The following EFCAB11 variants were observed in gnomAD, a reference collection of about 807,000 sequenced individuals.
The protein encoded by EFCAB11 is EF-hand calcium-binding domain-containing protein 11.
EFCAB11 carries 14 observed loss-of-function variants against 23.0 expected under a neutral mutation model. The ratio of observed to expected loss-of-function variants is 0.61; its 90% confidence interval spans 0.40 to 0.95. The LOEUF (loss-of-function observed/expected upper bound fraction) is 0.95, where lower values mean the gene tolerates loss of function less well. Ranked by LOEUF, EFCAB11 falls within the 40% of genes least tolerant of loss-of-function variation. EFCAB11 has a pLI of 0.00. For synonymous variants in EFCAB11, 65 were observed against 66.6 expected, an observed-to-expected ratio of 0.98 and a Z score of 0.11; for missense variants, 198 against 195.8, an observed-to-expected ratio of 1.01 and a Z score of -0.07.
chr14:89,821,096 G>A (rs993893595), intron 5 of EFCAB11, among the ~76,000 whole-genome samples: 16 of 151,950 alleles, frequency 1.1e-4, no homozygotes, highest in Admixed American at 1.0e-3. Context: ...TCCTGGGCTT[G>A]AGCAATCCTC....
intron 5 of EFCAB11, among the ~76,000 whole-genome samples, chr14:89,847,841 A>G (rs1027015208): frequency 6.6e-6 from 1 of 152,078 alleles, no homozygotes; most frequent in Non-Finnish European, 1.5e-5. Context: ...TGCATTTACC[A>G]GCTGTCTGGC....
intron 5 of EFCAB11, among the ~76,000 whole-genome samples, chr14:89,842,632 G>GAT (rs869060687): frequency 9.5e-5 from 2 of 21,090 alleles, no homozygotes; most frequent in African/African-American, 2.3e-4. Context: ...GATATGATAT[G>GAT]ATATGATATA....
chr14:89,828,247 G>C (rs1194547784), intron 5 of EFCAB11, among the ~76,000 whole-genome samples: 1 of 152,080 alleles, frequency 6.6e-6, no homozygotes, highest in East Asian at 1.9e-4. Flanking sequence ...AAAAACCTAT[G>C]AAAATGTAAG....
chr14:89,797,577 A>G (rs74082104), intron 5 of EFCAB11, among the ~76,000 whole-genome samples: 2,571 of 152,312 alleles, frequency 0.017, 66 homozygotes, highest in African/African-American at 0.058. Context: ...CACAGATTAT[A>G]TAAGAAAAAA....
rs867019828 is a variant in EFCAB11 at position 89,826,555 on chromosome 14, A to G, written c.411-29231T>C. Among the ~76,000 whole-genome samples, 3 of 152,092 alleles carry G rather than the reference A, an allele frequency of 2.0e-5. No individual in the cohort carries two copies. The South Asian group carries it at 6.2e-4, about 32-fold the overall frequency. ...GGTCACCCTCTAAGAAATGGACTGTAAGAAAGGGAGAGCAGGAAGCTGTCG... is the reference window on the plus strand; with the variant it reads ...GGTCACCCTCTAAGAAATGGACTGTGAGAAAGGGAGAGCAGGAAGCTGTCG... On this transcript the variant is annotated intron_variant, in intron 5 of 5. Transcript: ENST00000316738.
chr14:89,857,935 A>T (rs1457708451), intron 5 of EFCAB11, among the ~76,000 whole-genome samples: 1 of 152,262 alleles, frequency 6.6e-6, no homozygotes, highest in Non-Finnish European at 1.5e-5. Flanking sequence ...TCTGATATCC[A>T]GCTTCTACTC....
At chr14:89,806,382 T>C (rs1030691635) in intron 5 of EFCAB11, among the ~76,000 whole-genome samples, 1 of 152,158 alleles carries the variant, frequency 6.6e-6, no homozygotes, top group Non-Finnish European at 1.5e-5. Context: ...TAATTTGATA[T>C]TCCTTCTCTA....
intron 5 of EFCAB11, among the ~76,000 whole-genome samples, chr14:89,871,492 G>C (rs981411052): frequency 2.0e-5 from 3 of 152,034 alleles, no homozygotes; most frequent in African/African-American, 7.3e-5. Context: ...CAACCAACCC[G>C]GGCACTTTCT....
intron 5 of EFCAB11, among the ~76,000 whole-genome samples, chr14:89,901,385 T>G (rs1027425628): frequency 1.3e-5 from 2 of 152,220 alleles, no homozygotes; most frequent in Non-Finnish European, 2.9e-5. Context: ...TGCTCACTAA[T>G]TGAAATAATA....
At chr14:89,954,733 C>A (rs1891398413), upstream of EFCAB11, 2 of 1,551,828 alleles carry the variant, frequency 1.3e-6, no homozygotes, top group South Asian at 1.2e-5. Context: ...GGCAGCCTAC[C>A]GCGGCCACGC....
intron 5 of EFCAB11, among the ~76,000 whole-genome samples, chr14:89,801,897 G>C (rs1180562705): frequency 6.6e-6 from 1 of 152,002 alleles, no homozygotes; most frequent in Admixed American, 6.6e-5. Context: ...GGGAGGCTGA[G>C]GCAGAAGAAC....
intron 5 of EFCAB11, among the ~76,000 whole-genome samples, chr14:89,823,600 T>C (rs1228662972): frequency 6.6e-6 from 1 of 151,930 alleles, no homozygotes; most frequent in Non-Finnish European, 1.5e-5. Flanking sequence ...ATGTGACCAA[T>C]AAGCAGGAGA....
chr14:89,925,851 C>T (rs1028103460), intron 5 of EFCAB11, among the ~76,000 whole-genome samples: 3 of 151,082 alleles, frequency 2.0e-5, no homozygotes, highest in Non-Finnish European at 4.4e-5. Context: ...TTTTTTGAGA[C>T]AGAGTCTTGC....
intron 5 of EFCAB11, among the ~76,000 whole-genome samples, chr14:89,899,501 T>C (rs1246739893): frequency 6.6e-6 from 1 of 152,152 alleles, no homozygotes; most frequent in South Asian, 2.1e-4. Context: ...GGAAAATATA[T>C]AGTCCTGTTA....
At chr14:89,888,131 T>C (rs985299481) in intron 5 of EFCAB11, among the ~76,000 whole-genome samples, 4 of 152,188 alleles carry the variant, frequency 2.6e-5, no homozygotes, top group South Asian at 2.1e-4. Context: ...GTCTGAATAT[T>C]TGTGCCTGCC....
intron 5 of EFCAB11, among the ~76,000 whole-genome samples, chr14:89,800,547 T>C (rs1885742552): frequency 6.6e-6 from 1 of 152,236 alleles, no homozygotes; most frequent in Admixed American, 6.5e-5. Context: ...CACAGGGACG[T>C]AGGTATAGAC....
intron 5 of EFCAB11, among the ~76,000 whole-genome samples, chr14:89,876,435 C>T (rs1394719780): frequency 1.3e-5 from 2 of 151,892 alleles, no homozygotes; most frequent in African/African-American, 2.4e-5. Flanking sequence ...CTGATTAGGA[C>T]GGGGGAAATT....
Position 89,875,016 on chromosome 14 carries a change from C to T in EFCAB11, c.410+56525G>A, listed in dbSNP as rs570080803. Among the ~76,000 whole-genome samples the T allele has an allele frequency of 1.3e-4, 20 of 152,280 alleles. No homozygotes were observed. The South Asian group carries it at 3.7e-3, about 28-fold the overall frequency. ...ACAGATCTTTGGGATGGGGGCAGAA[C>T]GCCACCAGTCAGTGTAGTGCACATG... On this transcript the variant is annotated intron_variant, in intron 5 of 5. Transcript: ENST00000316738.
intron 5 of EFCAB11, among the ~76,000 whole-genome samples, chr14:89,854,548 G>A (rs1489901411): frequency 1.3e-5 from 2 of 152,164 alleles, no homozygotes; most frequent in African/African-American, 4.8e-5. Flanking sequence ...ACATGCCTAC[G>A]ATCCAGCTGT....
Sources: gnomAD v4.1 joint callset for allele counts (sites outside exome capture counted in the v4.1 genomes callset) on GRCh38, gnomAD v4.1.1 for gene constraint, MANE v1.5 for transcripts, NCBI Gene and HGNC (gene_info 2026-07-23, HGNC 2026-07-21) for gene names.